ROBO2: variants seen among roughly 807,000 people sequenced by gnomAD.
The protein encoded by ROBO2 is roundabout homolog 2.
A neutral mutation model predicts 160.8 loss-of-function variants in ROBO2; 53 were observed. The observed-to-expected ratio is 0.33, with a 90% CI of 0.26 to 0.41. The LOEUF is 0.41. Ranked by LOEUF, ROBO2 falls within the 10% of genes least tolerant of loss-of-function variation. The pLI, the probability that ROBO2 is intolerant of heterozygous loss-of-function variation, is 1.00. For missense variants in ROBO2, 1,577 were observed against 1,722.4 expected (o/e 0.92, Z 1.49); for synonymous variants, 664 against 611.7 (o/e 1.09, Z -1.26).
intron 2 of ROBO2, among the ~76,000 whole-genome samples, chr3:76,037,942 TAAGG>T (rs1176684113): frequency 6.6e-6 from 1 of 152,014 alleles, no homozygotes; most frequent in African/African-American, 2.4e-5. Context: ...GAGAGGAACT[TAAGG>T]AAGAAATATA....
At chr3:77,281,276 C>T (rs1047465232) in intron 2 of ROBO2, among the ~76,000 whole-genome samples, 3 of 152,054 alleles carry the variant, frequency 2.0e-5, no homozygotes, top group South Asian at 2.1e-4. Flanking sequence ...TTGCTGTTTA[C>T]CTTAGTTTTA....
chr3:77,117,042 A>C (rs2074277900), intron 2 of ROBO2, among the ~76,000 whole-genome samples: 1 of 152,210 alleles, frequency 6.6e-6, no homozygotes, highest in Admixed American at 6.5e-5. Context: ...TGCAGAAATC[A>C]GACGAGTTCT....
intron 2 of ROBO2, among the ~76,000 whole-genome samples, chr3:76,069,309 C>G (rs1337967699): frequency 6.6e-6 from 1 of 151,840 alleles, no homozygotes; most frequent in Non-Finnish European, 1.5e-5. Flanking sequence ...TTATTTAAAC[C>G]AAACTCTATG....
chr3:76,264,878 T>TAA (rs1707002761), intron 2 of ROBO2, among the ~76,000 whole-genome samples: 1 of 152,140 alleles, frequency 6.6e-6, no homozygotes, highest in Admixed American at 6.5e-5. Flanking sequence ...GCTGGCCACA[T>TAA]TTGTTGCCAC....
At chr3:76,055,092 CAA>C (rs754004241) in intron 2 of ROBO2, among the ~76,000 whole-genome samples, 1 of 152,128 alleles carries the variant, frequency 6.6e-6, no homozygotes, top group East Asian at 1.9e-4. Context: ...GAATGAGGAG[CAA>C]AGTCACATCT....
At chr3:76,579,626 T>C (rs1424139387) in intron 2 of ROBO2, among the ~76,000 whole-genome samples, 1 of 151,930 alleles carries the variant, frequency 6.6e-6, no homozygotes, top group Non-Finnish European at 1.5e-5. Context: ...CTGAAAGTCT[T>C]GGTTCATATG....
chr3:77,290,934 T>A (rs796219852), intron 2 of ROBO2, among the ~76,000 whole-genome samples: 1 of 24,262 alleles, frequency 4.1e-5, no homozygotes, highest in Admixed American at 4.4e-4. Flanking sequence ...AGAATTGATG[T>A]TTAAATGGGT....
intron 2 of ROBO2, among the ~76,000 whole-genome samples, chr3:76,982,215 A>T (rs1268450856): frequency 1.3e-5 from 2 of 152,150 alleles, no homozygotes; most frequent in Non-Finnish European, 2.9e-5. Flanking sequence ...ATATTCTTAC[A>T]TTTCAGCCTT....
At chr3:77,600,439 T>C (rs1251715393) in intron 19 of ROBO2, among the ~76,000 whole-genome samples, 2 of 152,208 alleles carry the variant, frequency 1.3e-5, no homozygotes, top group African/African-American at 4.8e-5. Flanking sequence ...TCCAGAGCCA[T>C]AGCATTAGTT....
intron 1 of ROBO2, among the ~76,000 whole-genome samples, chr3:77,071,172 C>G (rs1471574381): frequency 1.3e-5 from 2 of 152,128 alleles, no homozygotes; most frequent in Non-Finnish European, 2.9e-5. Context: ...CTACATCCTT[C>G]TGAGGAAATA....
At chr3:77,058,273 A>T (rs906561013) in intron 1 of ROBO2, among the ~76,000 whole-genome samples, 1 of 152,174 alleles carries the variant, frequency 6.6e-6, no homozygotes, top group East Asian at 1.9e-4. Flanking sequence ...ATGGAAATTG[A>T]AAAGTATAAT....
At chr3:77,107,611 T>C (rs1417697610) in intron 2 of ROBO2, among the ~76,000 whole-genome samples, 2 of 152,194 alleles carry the variant, frequency 1.3e-5, no homozygotes, top group Non-Finnish European at 2.9e-5. Flanking sequence ...ATTTAATATA[T>C]ACAGGAAGAT....
intron 2 of ROBO2, among the ~76,000 whole-genome samples, chr3:77,198,430 A>G (rs2082507603): frequency 6.6e-6 from 1 of 152,162 alleles, no homozygotes; most frequent in East Asian, 1.9e-4. Context: ...GCTGATTTAA[A>G]GCAATGAAAG....
chr3:76,032,676 T>G (rs1270562402), intron 2 of ROBO2, among the ~76,000 whole-genome samples: 1 of 152,166 alleles, frequency 6.6e-6, no homozygotes, highest in Admixed American at 6.5e-5. Context: ...TTTGAGTGAG[T>G]TTCTTAATCT....
chr3:77,024,499 G>C (rs1161589769), intron 2 of ROBO2, among the ~76,000 whole-genome samples: 1 of 152,106 alleles, frequency 6.6e-6, no homozygotes, highest in Non-Finnish European at 1.5e-5. Flanking sequence ...ATGAACATAA[G>C]CATATACAAT....
chr3:76,119,440 T>C (rs1193698351), intron 2 of ROBO2, among the ~76,000 whole-genome samples: 1 of 152,064 alleles, frequency 6.6e-6, no homozygotes, highest in Non-Finnish European at 1.5e-5. Context: ...CACCCGAAGG[T>C]ATCATGTCAG....
At chr3:77,354,063 C>T (rs945096004) in intron 2 of ROBO2, among the ~76,000 whole-genome samples, 1 of 152,108 alleles carries the variant, frequency 6.6e-6, no homozygotes, top group Non-Finnish European at 1.5e-5. Flanking sequence ...AAAAACAGCC[C>T]TGAGAAACTC....
chr3:76,765,791 C>A (rs2108438639), intron 2 of ROBO2, among the ~76,000 whole-genome samples: 1 of 151,782 alleles, frequency 6.6e-6, no homozygotes, highest in Middle Eastern at 3.4e-3. Context: ...GTGTGAGACA[C>A]TCCAGGTGCA....
intron 2 of ROBO2, among the ~76,000 whole-genome samples, chr3:76,840,302 A>C (rs962631197): frequency 6.6e-6 from 1 of 151,824 alleles, no homozygotes; most frequent in Non-Finnish European, 1.5e-5. Context: ...TCTATAGGCA[A>C]TTGTTCTCAT....
Sources: gnomAD v4.1 joint callset for allele counts (sites outside exome capture counted in the v4.1 genomes callset) on GRCh38, gnomAD v4.1.1 for gene constraint, MANE v1.5 for transcripts, NCBI Gene and HGNC (gene_info 2026-07-23, HGNC 2026-07-21) for gene names.